Variants in CD47 observed in about 807,000 individuals in gnomAD.
The protein encoded by CD47 is CD47 molecule.
CD47 carries 11 observed loss-of-function variants against 44.6 expected under a neutral mutation model. The ratio of observed to expected loss-of-function variants is 0.25; its 90% CI spans 0.16 to 0.41. The LOEUF is 0.41. CD47 is among the 10% of genes least tolerant of loss of function. The pLI is 1.00. For synonymous variants in CD47, 140 were observed against 136.3 expected (o/e 1.03, Z -0.19); for missense variants, 306 against 386.7 (o/e 0.79, Z 1.75).
intron 1 of CD47, among the ~76,000 whole-genome samples, chr3:108,085,919 T>A (rs996864439): frequency 1.3e-5 from 2 of 152,166 alleles, no homozygotes; most frequent in East Asian, 3.8e-4. Context: ...CATATTTTCA[T>A]GGAAAATCTC....
intron 6 of CD47, 85 bp from the exon 7 acceptor site, chr3:108,057,654 G>T: frequency 1.4e-6 from 1 of 723,722 alleles, no homozygotes; most frequent in Non-Finnish European, 2.4e-6. Flanking sequence ...TTTTAAGAGA[G>T]TTATTCTAAC....
chr3:108,079,226 C>T (rs1308963092), intron 2 of CD47, among the ~76,000 whole-genome samples: 2 of 151,828 alleles, frequency 1.3e-5, no homozygotes, highest in Admixed American at 6.6e-5. Context: ...AAAGAACATA[C>T]TCATATGGGG....
At chr3:108,065,452 C>T (rs2079086631) in intron 3 of CD47, among the ~76,000 whole-genome samples, 1 of 152,094 alleles carries the variant, frequency 6.6e-6, no homozygotes, top group South Asian at 2.1e-4. Context: ...TATTTAATAA[C>T]AGAATGTGAT....
At chr3:108,048,704 T>C (rs2078767202) in intron 10 of CD47, among the ~76,000 whole-genome samples, 1 of 152,132 alleles carries the variant, frequency 6.6e-6, no homozygotes, top group Admixed American at 6.5e-5. Context: ...TTTTTAATCT[T>C]ATGCAAATAT....
chr3:108,084,183 TA>T (rs2079472821), intron 1 of CD47, among the ~76,000 whole-genome samples: 1 of 152,022 alleles, frequency 6.6e-6, no homozygotes, highest in African/African-American at 2.4e-5. Flanking sequence ...TTAAATCTGT[TA>T]CGTGGCCTCC....
chr3:108,090,716 C>T, intron 1 of CD47, 147 bp downstream of exon 1: 2 of 574,392 alleles, frequency 3.5e-6, no homozygotes, highest in Non-Finnish European at 5.4e-6. Flanking sequence ...GGCCCTCCCA[C>T]GTCTGCACTT....
chr3:108,065,432 A>G (rs1412790494), intron 3 of CD47, among the ~76,000 whole-genome samples: 1 of 152,198 alleles, frequency 6.6e-6, no homozygotes, highest in African/African-American at 2.4e-5. Flanking sequence ...AAATCAGCAC[A>G]TAAGCACATT....
intron 1 of CD47, among the ~76,000 whole-genome samples, chr3:108,083,575 G>T (rs1246731895): frequency 6.6e-6 from 1 of 151,980 alleles, no homozygotes; most frequent in Non-Finnish European, 1.5e-5. Flanking sequence ...TTTTCTGCAT[G>T]GACAACGTCC....
At chr3:108,086,283 AG>A (rs2108274078) in intron 1 of CD47, among the ~76,000 whole-genome samples, 2 of 152,248 alleles carry the variant, frequency 1.3e-5, no homozygotes, top group Non-Finnish European at 2.9e-5. Flanking sequence ...AGCAGTGTAA[AG>A]GAAGGACTGA....
chr3:108,070,877 A>G (rs994922111), intron 3 of CD47, among the ~76,000 whole-genome samples: 12 of 152,168 alleles, frequency 7.9e-5, no homozygotes, highest in African/African-American at 2.9e-4. Context: ...AAAAAACACC[A>G]AGTGAAAACA....
intron 9 of CD47, among the ~76,000 whole-genome samples, 194 bp from the exon 10 acceptor site, chr3:108,049,845 T>C (rs1239301613): frequency 6.6e-6 from 1 of 152,208 alleles, no homozygotes; most frequent in Non-Finnish European, 1.5e-5. Flanking sequence ...ACAGACTTAG[T>C]TGGGAAATCA....
chr3:108,064,242 C>T (rs1428678625), intron 3 of CD47, among the ~76,000 whole-genome samples: 1 of 152,160 alleles, frequency 6.6e-6, no homozygotes, highest in Non-Finnish European at 1.5e-5. Flanking sequence ...AAGGCCCTTA[C>T]ATTCTAATGG....
chr3:108,064,369 T>C (rs1409121290), intron 3 of CD47, among the ~76,000 whole-genome samples: 1 of 152,208 alleles, frequency 6.6e-6, no homozygotes, highest in African/African-American at 2.4e-5. Flanking sequence ...AATTCCTTTA[T>C]GCATTTAATC....
chr3:108,053,309 A>G (rs1488456539), intron 7 of CD47: 1 of 152,272 alleles, frequency 6.6e-6, no homozygotes, highest in African/African-American at 2.4e-5. Flanking sequence ...TCTTTCTCAA[A>G]CAGGAAAAAT....
At chr3:108,049,032 A>T (rs1430720648) in intron 10 of CD47, among the ~76,000 whole-genome samples, 4 of 151,784 alleles carry the variant, frequency 2.6e-5, no homozygotes, top group African/African-American at 9.7e-5. Context: ...TTCTATAAAG[A>T]TTAGAAGTTA....
chr3:108,084,230 T>C (rs1339299824), intron 1 of CD47, among the ~76,000 whole-genome samples: 1 of 152,024 alleles, frequency 6.6e-6, no homozygotes, highest in African/African-American at 2.4e-5. Flanking sequence ...ACTACAGCTC[T>C]TGCCAAAGTC....
At position 108,044,460 on chromosome 3, in the gene CD47, A is replaced by AAAAAC. The variant is rs1559963753; in HGVS notation, c.*2827_*2828insGTTTT. On this transcript the variant is annotated 3_prime_UTR_variant, in exon 11 of 11. Transcript: ENST00000361309. ...AAAAAAAAAAAAACAAAAAAAAAAA[A>AAAAAC]CAGAAAGAAAGAAAACTCTCAAGCT... 2 of 91,550 alleles carry AAAAAC rather than the reference A, an allele frequency of 2.2e-5. No individual in the cohort carries two copies. Among genetic ancestry groups the AAAAAC allele is most frequent in the Admixed American group, 1.3e-4 (1 of 7,664 alleles). The allele number at this position is 91,550 out of a possible 1,614,324, so 5.7% of individuals were successfully genotyped here. A position where few individuals can be genotyped will look rare whatever the true frequency, so the allele number is the denominator to read the frequency against.
chr3:108,071,238 C>A, intron 2 of CD47, 56 bp from the exon 3 acceptor site: 2 of 798,092 alleles, frequency 2.5e-6, no homozygotes, highest in Non-Finnish European at 4.1e-6. Flanking sequence ...ACTTTAAATT[C>A]TGCTAATGGT....
chr3:108,071,473 T>C (rs551627775), intron 2 of CD47, among the ~76,000 whole-genome samples: 2 of 152,322 alleles, frequency 1.3e-5, no homozygotes, highest in South Asian at 2.1e-4. Context: ...AGAACAAGGC[T>C]CTGTGGCCAC....
Sources: allele counts gnomAD v4.1 joint callset (sites outside exome capture counted in the v4.1 genomes callset), GRCh38; gene constraint gnomAD v4.1.1; transcripts MANE v1.5; gene names NCBI Gene and HGNC (gene_info 2026-07-23, HGNC 2026-07-21).